GUCY1A2: variants seen among roughly 807,000 people sequenced by gnomAD.
GUCY1A2 encodes guanylate cyclase 1 soluble subunit alpha 2, also known as guanylate cyclase soluble subunit alpha-2.
GUCY1A2 carries 27 observed loss-of-function variants against 63.5 expected under a neutral mutation model. The ratio of observed to expected loss-of-function variants is 0.43; its 90% CI spans 0.31 to 0.59. GUCY1A2 has a LOEUF of 0.59. Ranked by LOEUF, GUCY1A2 falls within the 20% of genes least tolerant of loss-of-function variation. GUCY1A2 has a pLI of 0.11. For synonymous variants in GUCY1A2, 364 were observed against 343.5 expected, an observed-to-expected ratio of 1.06 and a Z score of -0.66; for missense variants, 768 against 913.3, an observed-to-expected ratio of 0.84 and a Z score of 2.05.
intron 5 of GUCY1A2, among the ~76,000 whole-genome samples, chr11:106,802,983 T>G (rs1359027091): frequency 6.6e-6 from 1 of 152,080 alleles, no homozygotes; most frequent in East Asian, 1.9e-4. Context: ...CTTCAGAAAT[T>G]AAATATCGAT....
chr11:106,815,774 A>G (rs1000569584), intron 4 of GUCY1A2, among the ~76,000 whole-genome samples: 1 of 151,980 alleles, frequency 6.6e-6, no homozygotes, highest in African/African-American at 2.4e-5. Flanking sequence ...ACACATGCAC[A>G]CAGACACACA....
At chr11:107,004,039 G>C (rs1861641821) in intron 1 of GUCY1A2, among the ~76,000 whole-genome samples, 1 of 152,122 alleles carries the variant, frequency 6.6e-6, no homozygotes, top group South Asian at 2.1e-4. Flanking sequence ...CATGGGAATG[G>C]GGCATGACTT....
Position 106,771,569 on chromosome 11 carries a change from G to A in GUCY1A2, c.1836+4870C>T, listed in dbSNP as rs939089937. On this transcript the variant is annotated intron_variant, in intron 6 of 7. Transcript: ENST00000526355. The stretch of plus-strand genomic sequence containing the variant: ...TCACGACCAGCTTGGGCAACATAGA[G>A]AGACCCCCATCTCTACTAAAAAGTT... Among the ~76,000 whole-genome samples the A allele has an allele frequency of 4.6e-5, 7 of 152,176 alleles. No individual in the cohort carries two copies. In the South Asian group the frequency reaches 8.3e-4, roughly 18 times the overall value.
At chr11:106,778,364 C>G (rs887964835) in intron 5 of GUCY1A2, among the ~76,000 whole-genome samples, 4 of 152,184 alleles carry the variant, frequency 2.6e-5, no homozygotes, top group Non-Finnish European at 5.9e-5. Context: ...ACGTTCAGCA[C>G]AAGCTATAAT....
intron 4 of GUCY1A2, among the ~76,000 whole-genome samples, chr11:106,923,036 A>G (rs546108781): frequency 7.9e-5 from 12 of 152,270 alleles, no homozygotes; most frequent in Admixed American, 1.3e-4. Flanking sequence ...AATGACTGAA[A>G]TTGGACTAAT....
rs1862438480 is a variant in GUCY1A2, at chr11:106,681,792, C to A, written c.*5757G>T. 4.6e-6 allele frequency: 1 copy of A among 218,924 alleles called. No individual in the cohort carries two copies. The highest frequency in any genetic ancestry group is 5.8e-5 in the Admixed American group (1 of 17,268). The allele number at this position is 218,924 out of a possible 1,614,324, so 13.6% of individuals were successfully genotyped here. ...GTGCAAGCTTCATATGGCATCATCA[C>A]CATGGCTTAAATTATTGCTTGAAAG... On this transcript the variant is annotated 3_prime_UTR_variant, in exon 8 of 8. Coordinates refer to ENST00000526355, the MANE Select transcript of GUCY1A2 (RefSeq NM_000855.3).
chr11:107,005,396 C>T (rs2120193229), intron 1 of GUCY1A2, among the ~76,000 whole-genome samples: 1 of 152,276 alleles, frequency 6.6e-6, no homozygotes, highest in South Asian at 2.1e-4. Flanking sequence ...ACCCAGCCTC[C>T]TGAATATCCA....
Position 106,781,198 on chromosome 11 carries a change from A to G in GUCY1A2, c.1693-4616T>C, listed in dbSNP as rs1864457264. Among the ~76,000 whole-genome samples the G allele has an allele frequency of 4.0e-5, 6 of 151,804 alleles. No individual in the cohort carries two copies. The South Asian group carries it at 1.2e-3, about 32-fold the overall frequency. ...TATAATTGCCTCAGTGTTTTTATAT[A>G]GTTTAAATACAACAGACACAGTTTA... On this transcript the variant is annotated intron_variant, in intron 5 of 7. Coordinates refer to ENST00000526355, the MANE Select transcript of GUCY1A2 (RefSeq NM_000855.3).
chr11:106,935,698 T>C (rs1860666421), intron 4 of GUCY1A2, among the ~76,000 whole-genome samples: 1 of 151,536 alleles, frequency 6.6e-6, no homozygotes, highest in Admixed American at 6.6e-5. Flanking sequence ...AAATACAAAA[T>C]TAGCTGGGTG....
chr11:106,934,570 T>C (rs1358688032), intron 4 of GUCY1A2, among the ~76,000 whole-genome samples: 1 of 152,172 alleles, frequency 6.6e-6, no homozygotes, highest in Non-Finnish European at 1.5e-5. Flanking sequence ...GAAAACTGAT[T>C]TGGCCACAGA....
At chr11:107,000,304 C>G (rs1055186636) in intron 1 of GUCY1A2, among the ~76,000 whole-genome samples, 1 of 152,188 alleles carries the variant, frequency 6.6e-6, no homozygotes, top group African/African-American at 2.4e-5. Context: ...AACAATAAAT[C>G]TCTCTTCTCC....
chr11:106,855,901 A>C (rs1843986), intron 4 of GUCY1A2, among the ~76,000 whole-genome samples: 6,857 of 63,592 alleles, frequency 0.11, 191 homozygotes, highest in East Asian at 0.16. Flanking sequence ...TATTTTATTT[A>C]TTTATTTATT....
At chr11:106,900,409 T>C (rs931569113) in intron 4 of GUCY1A2, among the ~76,000 whole-genome samples, 3 of 152,240 alleles carry the variant, frequency 2.0e-5, no homozygotes, top group African/African-American at 4.8e-5. Flanking sequence ...GTCTCAAACT[T>C]GGCCTTCCAA....
Position 106,687,499 on chromosome 11 carries a change from C to T in GUCY1A2, c.*50G>A, listed in dbSNP as rs760637877. On this transcript the variant is annotated 3_prime_UTR_variant, in exon 8 of 8. Coordinates refer to ENST00000526355, the MANE Select transcript of GUCY1A2 (RefSeq NM_000855.3). ...CTCTTTCCACCCCCCATTGGTGACC[C>T]ATGTTCTGGGCTTGTGCTTTTTGGA... 3.7e-6 allele frequency: 5 copies of T among 1,356,458 alleles called. No individual in the cohort carries two copies. In the Admixed American group the frequency reaches 8.4e-5, roughly 23 times the overall value. The allele number at this position is 1,356,458 out of a possible 1,614,324, so 84.0% of individuals were successfully genotyped here.
chr11:106,741,255 A>G (rs569927965), intron 6 of GUCY1A2, among the ~76,000 whole-genome samples: 1 of 152,370 alleles, frequency 6.6e-6, no homozygotes, highest in East Asian at 1.9e-4. Flanking sequence ...CTTATTTTGG[A>G]GAAAGTCTTC....
intron 4 of GUCY1A2, among the ~76,000 whole-genome samples, chr11:106,835,429 T>G (rs934556292): frequency 6.6e-6 from 1 of 151,652 alleles, no homozygotes; most frequent in Non-Finnish European, 1.5e-5. Flanking sequence ...ATATATGATA[T>G]AGAATGTGAA....
intron 3 of GUCY1A2, among the ~76,000 whole-genome samples, chr11:106,942,251 A>C (rs1358855423): frequency 2.0e-5 from 3 of 152,022 alleles, no homozygotes; most frequent in Non-Finnish European, 4.4e-5. Flanking sequence ...CTTCCTCCTA[A>C]AACTCTCATC....
At chr11:106,999,021 G>A (rs1001949527) in intron 1 of GUCY1A2, among the ~76,000 whole-genome samples, 1 of 152,064 alleles carries the variant, frequency 6.6e-6, no homozygotes, top group Non-Finnish European at 1.5e-5. Flanking sequence ...AGAGTCTTGT[G>A]GGGCCAGACA....
intron 3 of GUCY1A2, among the ~76,000 whole-genome samples, chr11:106,945,987 CA>C (rs1213306859): frequency 6.6e-6 from 1 of 151,928 alleles, no homozygotes; most frequent in Non-Finnish European, 1.5e-5. Context: ...AACAAACAAA[CA>C]AAAAAGCTAC....
Sources: gnomAD v4.1 joint callset for allele counts (sites outside exome capture counted in the v4.1 genomes callset) on GRCh38, gnomAD v4.1.1 for gene constraint, MANE v1.5 for transcripts, NCBI Gene and HGNC (gene_info 2026-07-23, HGNC 2026-07-21) for gene names.